Variants in CYP2C19 observed in about 807,000 individuals in gnomAD.
CYP2C19 encodes the protein cytochrome P450 family 2 subfamily C member 19.
CYP2C19 carries 59 observed loss-of-function variants against 40.9 expected under a neutral mutation model. The observed-to-expected ratio is 1.44, with a 90% confidence interval of 1.17 to 1.79. The LOEUF is 1.79. Among genes scored for constraint, CYP2C19 ranks in the 40% most tolerant of loss-of-function variants. CYP2C19 has a pLI of 0.00. For synonymous variants in CYP2C19, 253 were observed against 208.7 expected (o/e 1.21, Z -1.83); for missense variants, 754 against 596.9 (o/e 1.26, Z -2.74).
chr10:94,832,156 G>C lies in CYP2C19; in HGVS notation c.962-10681G>C, dbSNP rs1197987438. Among the ~76,000 whole-genome samples, 4 of 152,198 alleles carry C rather than the reference G, an allele frequency of 2.6e-5. No individual in the cohort carries two copies. The East Asian group carries it at 7.7e-4, about 29-fold the overall frequency. On this transcript the variant is annotated intron_variant, in intron 6 of 8. Coordinates refer to ENST00000371321, the MANE Select transcript of CYP2C19 (RefSeq NM_000769.4). ...TTTTCCCAGCACAATCTATTGATGA[G>C]ATGGTCTTTCCCCCAGTGTACGTTC...
In CYP2C19 at chr10:94,766,657, G is replaced by A. The variant is rs542968422; in HGVS notation, c.168+3784G>A. ...AAGGGGTTTTTCTTCAGGATCGGTGGTAGGAGCCTTTTTAGTCTGGGATGT... is the reference window on the plus strand; with the variant it reads ...AAGGGGTTTTTCTTCAGGATCGGTGATAGGAGCCTTTTTAGTCTGGGATGT... On this transcript the variant is annotated intron_variant, in intron 1 of 8. Coordinates refer to ENST00000371321, the MANE Select transcript of CYP2C19 (RefSeq NM_000769.4). Among the ~76,000 whole-genome samples the A allele has an allele frequency of 3.3e-5, 5 of 152,186 alleles. No homozygotes were observed. The South Asian group carries it at 1.0e-3, about 32-fold the overall frequency.
chr10:94,851,539 T>C (rs1849653999), intron 8 of CYP2C19, among the ~76,000 whole-genome samples: 1 of 152,074 alleles, frequency 6.6e-6, no homozygotes, highest in Non-Finnish European at 1.5e-5. Context: ...GTCTGTTTCT[T>C]CTGCCATATC....
At chr10:94,824,987 C>T (rs1384536003) in intron 6 of CYP2C19, among the ~76,000 whole-genome samples, 9 of 141,684 alleles carry the variant, frequency 6.4e-5, no homozygotes, top group Admixed American at 4.2e-4. Flanking sequence ...GACATGAACT[C>T]ATCATTTTTT....
At chr10:94,841,299 C>G (rs933195896) in intron 6 of CYP2C19, among the ~76,000 whole-genome samples, 14 of 152,162 alleles carry the variant, frequency 9.2e-5, no homozygotes, top group African/African-American at 3.1e-4. Flanking sequence ...TTAGCCCTAT[C>G]GGGAATGGCA....
At chr10:94,852,235 T>C (rs537108341) in intron 8 of CYP2C19, among the ~76,000 whole-genome samples, 2 of 146,806 alleles carry the variant, frequency 1.4e-5, no homozygotes, top group East Asian at 4.4e-4. Flanking sequence ...TTTAAAGTTT[T>C]AAAGTGAGGG....
In CYP2C19 at chr10:94,827,955, T is replaced by G. The variant is rs1849257977; in HGVS notation, c.961+7318T>G. Among the ~76,000 whole-genome samples, 5 of 152,038 alleles carry G rather than the reference T, an allele frequency of 3.3e-5. No individual in the cohort carries two copies. In the South Asian group the frequency reaches 1.0e-3, roughly 32 times the overall value. On this transcript the variant is annotated intron_variant, in intron 6 of 8. Transcript: ENST00000371321. ...TCATTCAGGAGCAGGTTGTTCAGTT[T>G]CCATGTAGTTGAGCGGTTTTGAGTG... is the stretch of plus-strand genomic sequence containing the variant.
At chr10:94,804,996 T>C (rs551327251) in intron 5 of CYP2C19, among the ~76,000 whole-genome samples, 4 of 152,272 alleles carry the variant, frequency 2.6e-5, no homozygotes, top group African/African-American at 7.2e-5. Flanking sequence ...CATGTTATCT[T>C]GAACTACACA....
chr10:94,788,076 C>G (rs1406784507), intron 5 of CYP2C19, among the ~76,000 whole-genome samples: 1 of 151,642 alleles, frequency 6.6e-6, no homozygotes, highest in Non-Finnish European at 1.5e-5. Flanking sequence ...TTGTAGAGAC[C>G]GTTTGCCCCT....
intron 6 of CYP2C19, among the ~76,000 whole-genome samples, chr10:94,833,921 G>A (rs1849364941): frequency 1.3e-5 from 2 of 152,070 alleles, no homozygotes; most frequent in Admixed American, 6.5e-5. Flanking sequence ...GTTGAGGATT[G>A]TTGCATCAGT....
At chr10:94,850,806 G>A (rs576480038) in intron 8 of CYP2C19, among the ~76,000 whole-genome samples, 76 of 152,280 alleles carry the variant, frequency 5.0e-4, no homozygotes, top group Admixed American at 2.2e-3. Flanking sequence ...AAATAACCAT[G>A]GATGGGATCA....
At chr10:94,830,317 C>T (rs548653796) in intron 6 of CYP2C19, among the ~76,000 whole-genome samples, 7 of 152,192 alleles carry the variant, frequency 4.6e-5, no homozygotes, top group South Asian at 4.2e-4. Context: ...ACTCCGTGGG[C>T]GTAGGACCCT....
chr10:94,842,692 T>C (rs1849513845), intron 6 of CYP2C19, 145 bp from the exon 7 acceptor site: 8 of 946,766 alleles, frequency 8.4e-6, no homozygotes, highest in Non-Finnish European at 1.3e-5. Flanking sequence ...CAGTCCTCTC[T>C]TTAAGTTACA....
At chr10:94,777,905 G>T (rs116455601) in intron 3 of CYP2C19, among the ~76,000 whole-genome samples, 2 of 151,962 alleles carry the variant, frequency 1.3e-5, no homozygotes, top group Non-Finnish European at 2.9e-5. Context: ...TTTGACTAAG[G>T]TCTAATATCC....
chr10:94,835,181 A>G (rs1184223551), intron 6 of CYP2C19, among the ~76,000 whole-genome samples: 7 of 152,202 alleles, frequency 4.6e-5, no homozygotes, highest in Non-Finnish European at 8.8e-5. Context: ...TTAAAGATAC[A>G]GGGATTGAAA....
rs1375232279 is a variant in CYP2C19, at chr10:94,820,585, C to A, written c.909C>A (p.Ser303Arg). 1.9e-6 allele frequency: 3 copies of A among 1,614,208 alleles called. No homozygotes were observed. Among genetic ancestry groups the A allele is most frequent in the Admixed American group, 1.7e-5 (1 of 60,028 alleles). ...TTGGAGCTGGGACAGAGACAACAAG[C>A]ACAACCCTGAGATATGCTCTCCTTC... The part of the protein sequence containing the change: ...DLLGAGTETT[S>R]TTLRYALLLL... The change falls in exon 6 of 9, where the codon AGC becomes AGA. Residue 303 changes from serine (S) to arginine (R), a missense_variant. Transcript: ENST00000371321.
chr10:94,778,565 G>T (rs1037729857), intron 3 of CYP2C19, among the ~76,000 whole-genome samples: 2 of 152,170 alleles, frequency 1.3e-5, no homozygotes, highest in African/African-American at 4.8e-5. Context: ...CCACAATGAG[G>T]TAAAATCTCA....
At chr10:94,817,213 C>T (rs1371703780) in intron 5 of CYP2C19, among the ~76,000 whole-genome samples, 2,775 of 135,756 alleles carry the variant, frequency 0.02, 16 homozygotes, top group East Asian at 0.039. Context: ...AAAGTGTTCC[C>T]ATTTCTCCAC....
At chr10:94,824,502 G>A (rs1849181435) in intron 6 of CYP2C19, among the ~76,000 whole-genome samples, 2 of 152,108 alleles carry the variant, frequency 1.3e-5, no homozygotes, top group South Asian at 4.1e-4. Context: ...ACACACACAA[G>A]CACAGCTGCA....
At chr10:94,839,796 A>G (rs964666725) in intron 6 of CYP2C19, among the ~76,000 whole-genome samples, 2 of 152,196 alleles carry the variant, frequency 1.3e-5, no homozygotes, top group African/African-American at 4.8e-5. Flanking sequence ...GGAACCATCT[A>G]TCATCCTGTC....
Sources: allele counts gnomAD v4.1 joint callset (sites outside exome capture counted in the v4.1 genomes callset), GRCh38; gene constraint gnomAD v4.1.1; transcripts MANE v1.5; gene names NCBI Gene and HGNC (gene_info 2026-07-23, HGNC 2026-07-21).